CDH12: variants seen among roughly 807,000 people sequenced by gnomAD.
CDH12 encodes the protein cadherin 12, also known as cadherin-12.
CDH12 carries 41 observed loss-of-function variants against 74.1 expected under a neutral mutation model. The observed-to-expected ratio is 0.55, with a 90% CI of 0.43 to 0.72. The LOEUF is 0.72. CDH12 is among the 30% of genes least tolerant of loss of function. CDH12 has a pLI of 0.00. For synonymous variants in CDH12, 399 were observed against 355.0 expected (o/e 1.12, Z -1.39); for missense variants, 945 against 977.2 (o/e 0.97, Z 0.44).
At chr5:22,021,699 G>A (rs1737989200) in intron 5 of CDH12, among the ~76,000 whole-genome samples, 1 of 152,152 alleles carries the variant, frequency 6.6e-6, no homozygotes, top group Non-Finnish European at 1.5e-5. Context: ...TCATTCAATT[G>A]GAATAGGGTG....
At chr5:22,278,651 TATTA>T (rs1423841385) in intron 3 of CDH12, among the ~76,000 whole-genome samples, 2 of 152,144 alleles carry the variant, frequency 1.3e-5, no homozygotes, top group African/African-American at 4.8e-5. Flanking sequence ...GTGATATACA[TATTA>T]ATTATTACCC....
intron 8 of CDH12, among the ~76,000 whole-genome samples, chr5:21,832,983 A>G (rs1421211444): frequency 2.2e-5 from 2 of 93,014 alleles, no homozygotes; most frequent in Admixed American, 1.9e-4. Flanking sequence ...TAATATATAT[A>G]ATATCATATA....
intron 2 of CDH12, among the ~76,000 whole-genome samples, chr5:22,442,443 T>C (rs752650229): frequency 4.6e-5 from 7 of 152,156 alleles, no homozygotes; most frequent in South Asian, 4.1e-4. Context: ...AGTTCAAGAA[T>C]AGTCTGAACA....
At chr5:22,182,260 G>C (rs559453656) in intron 4 of CDH12, among the ~76,000 whole-genome samples, 41 of 151,832 alleles carry the variant, frequency 2.7e-4, no homozygotes, top group African/African-American at 7.5e-4. Context: ...TTCTAACCTA[G>C]CTTTTATCAT....
intron 1 of CDH12, among the ~76,000 whole-genome samples, chr5:22,522,072 A>G (rs1737078199): frequency 6.6e-6 from 1 of 152,216 alleles, no homozygotes; most frequent in African/African-American, 2.4e-5. Context: ...TCTCATATCA[A>G]CAGCCTTACA....
chr5:22,161,195 A>G (rs943042145), intron 4 of CDH12, among the ~76,000 whole-genome samples: 3 of 152,156 alleles, frequency 2.0e-5, no homozygotes, highest in African/African-American at 7.2e-5. Flanking sequence ...GCTAACCCCA[A>G]TGACCTCTTT....
At chr5:21,994,824 G>A (rs1440173429) in intron 5 of CDH12, among the ~76,000 whole-genome samples, 1 of 152,104 alleles carries the variant, frequency 6.6e-6, no homozygotes, top group African/African-American at 2.4e-5. Context: ...ACACCAATCA[G>A]TACTCTGTAA....
chr5:22,264,421 A>G (rs1419324541), intron 3 of CDH12, among the ~76,000 whole-genome samples: 1 of 152,118 alleles, frequency 6.6e-6, no homozygotes, highest in Admixed American at 6.6e-5. Flanking sequence ...CCATGGTTTT[A>G]TTCATTCTAT....
At chr5:21,924,455 G>T (rs1754498385) in intron 6 of CDH12, among the ~76,000 whole-genome samples, 4 of 152,150 alleles carry the variant, frequency 2.6e-5, no homozygotes, top group Admixed American at 2.0e-4. Context: ...GGCGGAGGTT[G>T]CAGTGAACTG....
intron 1 of CDH12, among the ~76,000 whole-genome samples, chr5:22,579,949 G>T (rs1739997785): frequency 6.6e-6 from 1 of 152,082 alleles, no homozygotes; most frequent in African/African-American, 2.4e-5. Flanking sequence ...AGCTACCCTG[G>T]TCTCTTCTCT....
At chr5:22,655,644 C>T (rs1739995451) in intron 1 of CDH12, among the ~76,000 whole-genome samples, 1 of 152,138 alleles carries the variant, frequency 6.6e-6, no homozygotes, top group South Asian at 2.1e-4. Flanking sequence ...GTTACATGAT[C>T]ACCATGATCT....
At chr5:22,096,638 T>A (rs765829558) in intron 4 of CDH12, among the ~76,000 whole-genome samples, 6 of 152,220 alleles carry the variant, frequency 3.9e-5, no homozygotes, top group Admixed American at 1.3e-4. Context: ...AATTTCCTCT[T>A]TAAAAGGTGG....
At chr5:22,260,295 C>A (rs1475874323) in intron 3 of CDH12, among the ~76,000 whole-genome samples, 1 of 151,986 alleles carries the variant, frequency 6.6e-6, no homozygotes, top group African/African-American at 2.4e-5. Flanking sequence ...TGGGTTGAAC[C>A]AATGAAAATG....
chr5:22,181,694 A>T (rs1489464939), intron 4 of CDH12, among the ~76,000 whole-genome samples: 3 of 151,998 alleles, frequency 2.0e-5, no homozygotes, highest in Admixed American at 1.3e-4. Context: ...AGACACTATC[A>T]TCTTGCCCTG....
chr5:22,836,223 C>CTTTTTTTTTTTTTTTTTCTTTTTTTT (rs1736817061), intron 1 of CDH12, among the ~76,000 whole-genome samples: 1 of 65,506 alleles, frequency 1.5e-5, no homozygotes, highest in Non-Finnish European at 2.6e-5. Context: ...CTTTCTTTCT[C>CTTTTTTTTTTTTTTTTTCTTTTTTTT]TTTTTTTTTT....
chr5:22,173,338 A>G (rs1749146746), intron 4 of CDH12, among the ~76,000 whole-genome samples: 1 of 146,838 alleles, frequency 6.8e-6, no homozygotes, highest in Non-Finnish European at 1.5e-5. Context: ...TAATTTATAT[A>G]ATATAATTTA....
intron 1 of CDH12, among the ~76,000 whole-genome samples, chr5:22,654,225 T>G: frequency 6.6e-6 from 1 of 151,202 alleles, no homozygotes; most frequent in South Asian, 2.1e-4. Context: ...TTTTTGTTTC[T>G]TTGTTTCTTT....
chr5:22,845,540 T>C (rs904528743), intron 1 of CDH12, among the ~76,000 whole-genome samples: 2 of 152,240 alleles, frequency 1.3e-5, no homozygotes, highest in South Asian at 2.1e-4. Context: ...GCTTTCCTCA[T>C]GGGGCTTGCA....
At chr5:22,141,414 A>T (rs1746784922) in intron 4 of CDH12, 1 of 152,192 alleles carries the variant, frequency 6.6e-6, no homozygotes, top group African/African-American at 2.4e-5. Context: ...GAGACCTGAG[A>T]AGTAAACACA....
Sources: allele counts gnomAD v4.1 joint callset (sites outside exome capture counted in the v4.1 genomes callset), GRCh38; gene constraint gnomAD v4.1.1; transcripts MANE v1.5; gene names NCBI Gene and HGNC (gene_info 2026-07-23, HGNC 2026-07-21).